The following RNF111 variants were observed in gnomAD, a reference collection of about 807,000 sequenced individuals.
RNF111 encodes ring finger protein 111, also known as E3 ubiquitin-protein ligase Arkadia.
A neutral mutation model predicts 95.1 loss-of-function variants in RNF111; 17 were observed. The observed-to-expected ratio is 0.18, with a 90% CI of 0.12 to 0.27. RNF111 has a LOEUF of 0.27. RNF111 is among the 10% of genes least tolerant of loss of function. The pLI is 1.00. For missense variants in RNF111, 1,189 were observed against 1,210.4 expected (o/e 0.98, Z 0.26); for synonymous variants, 440 against 414.8 (o/e 1.06, Z -0.74).
chr15:59,089,784 G>A (rs1265853239), intron 11 of RNF111, 25 bp downstream of exon 11: 1 of 1,454,450 alleles, frequency 6.9e-7, no homozygotes, highest in Admixed American at 1.7e-5. Flanking sequence ...AAATGAATAT[G>A]TTTGTCACAG....
At chr15:58,999,781 G>T (rs1322372307) in intron 1 of RNF111, among the ~76,000 whole-genome samples, 3 of 152,148 alleles carry the variant, frequency 2.0e-5, no homozygotes, top group East Asian at 3.8e-4. Context: ...TTGGCTCAAG[G>T]TTCCATAGGT....
chr15:59,093,612 A>G (rs2079118544), intron 13 of RNF111: 1 of 226,900 alleles, frequency 4.4e-6, no homozygotes, highest in South Asian at 4.7e-5. Context: ...TAATATGTTA[A>G]CCCTATATTA....
chr15:59,051,405 C>T (rs1268304520), intron 2 of RNF111, among the ~76,000 whole-genome samples: 2 of 142,362 alleles, frequency 1.4e-5, no homozygotes, highest in African/African-American at 5.3e-5. Context: ...TTGCAGTGAG[C>T]AGAGATGGCG....
Position 59,081,011 on chromosome 15 carries a change from C to G in RNF111, c.2024C>G (p.Thr675Ser), listed in dbSNP as rs775914102. ...TCTCATGGAAACCCCCCTCCTCAGACTCAGCCTCCGCCTCAAGTGGATTAT... is the reference window on the plus strand; with the variant it reads ...TCTCATGGAAACCCCCCTCCTCAGAGTCAGCCTCCGCCTCAAGTGGATTAT... ...PHSHGNPPPQ[T>S]QPPPQVDYVI... Residue 675 changes from threonine to serine, a missense_variant, in exon 8 of 14, where the codon ACT becomes AGT. Around this residue, in one of 2 missense-constraint regions of RNF111, gnomAD observed 1,024 missense variants for 925.9 expected, o/e 1.11. Coordinates refer to ENST00000348370, the MANE Select transcript of RNF111 (RefSeq NM_017610.8). 6 of 1,614,024 alleles carry G rather than the reference C, an allele frequency of 3.7e-6. No individual in the cohort carries two copies. The highest frequency in any genetic ancestry group is 1.3e-5 in the African/African-American group (1 of 74,894).
intron 13 of RNF111, chr15:59,093,634 T>C (rs1325576410): frequency 4.6e-6 from 1 of 216,924 alleles, no homozygotes; most frequent in Non-Finnish European, 9.6e-6. Context: ...TTTTAGGCAT[T>C]TTCTTTGTAT....
At chr15:59,085,422 G>A (rs138698339) in intron 9 of RNF111, 11 of 250,778 alleles carry the variant, frequency 4.4e-5, no homozygotes, top group African/African-American at 1.3e-4. Flanking sequence ...TTTGTAAGAT[G>A]TGAAACCAAG....
At chr15:59,032,170 C>G (rs963306862) in intron 2 of RNF111, among the ~76,000 whole-genome samples, 5 of 152,150 alleles carry the variant, frequency 3.3e-5, no homozygotes, top group Admixed American at 2.6e-4. Context: ...AGCTCCTGAT[C>G]TCAAATTATC....
At chr15:59,039,917 G>A (rs1468942857) in intron 2 of RNF111, among the ~76,000 whole-genome samples, 4 of 151,790 alleles carry the variant, frequency 2.6e-5, no homozygotes, top group East Asian at 1.9e-4. Flanking sequence ...GGGTTTCACC[G>A]TGTTGGCCAG....
chr15:59,006,949 C>T (rs749160152), intron 1 of RNF111, among the ~76,000 whole-genome samples: 7 of 152,078 alleles, frequency 4.6e-5, no homozygotes, highest in Non-Finnish European at 8.8e-5. Flanking sequence ...CCACGCCCAG[C>T]TAATTTTTTT....
At chr15:59,005,939 G>C (rs2039520754) in intron 1 of RNF111, among the ~76,000 whole-genome samples, 2 of 152,244 alleles carry the variant, frequency 1.3e-5, no homozygotes, top group Non-Finnish European at 2.9e-5. Flanking sequence ...TCACAGCAGT[G>C]ATGGGGATGT....
intron 5 of RNF111, among the ~76,000 whole-genome samples, chr15:59,063,989 G>C (rs2042547894): frequency 6.6e-6 from 1 of 152,042 alleles, no homozygotes; most frequent in Admixed American, 6.5e-5. Context: ...TAGAGACTAA[G>C]ATAAAACCCT....
At chr15:59,069,459 C>T (rs760089611) in intron 6 of RNF111, among the ~76,000 whole-genome samples, 1 of 152,192 alleles carries the variant, frequency 6.6e-6, no homozygotes, top group African/African-American at 2.4e-5. Flanking sequence ...TAAAATAATA[C>T]AGCTAGTTTG....
At position 59,003,344 on chromosome 15, in the gene RNF111, A is replaced by G. The variant is rs184471883; in HGVS notation, c.-20+15276A>G. ...GGTCTGGAACTCCTGAGCTCAAGCCATCTGCCCACCTTGACCTCCCAAAGT... is the reference window on the plus strand; with the variant it reads ...GGTCTGGAACTCCTGAGCTCAAGCCGTCTGCCCACCTTGACCTCCCAAAGT... On this transcript the variant is annotated intron_variant, in intron 1 of 13. Coordinates refer to ENST00000348370, the MANE Select transcript of RNF111 (RefSeq NM_017610.8). Among the ~76,000 whole-genome samples, 89 of 152,150 alleles carry G rather than the reference A, an allele frequency of 5.8e-4. No individual in the cohort carries two copies. In the Middle Eastern group the frequency reaches 0.01, roughly 18 times the overall value.
rs2078727306 is a variant in RNF111, at chr15:59,081,075, A to G, written c.2088A>G (p.Ile696Met). The G allele has an allele frequency of 5.6e-6, 9 of 1,613,958 alleles. No homozygotes were observed. The East Asian group carries it at 1.6e-4, about 28-fold the overall frequency. The change falls in exon 8 of 14, where the codon ATA (isoleucine) becomes ATG (methionine). Residue 696 changes from isoleucine to methionine, a missense_variant. Ile to Met is a conservative substitution (Grantham distance 10). Transcript: ENST00000348370. ...PHPVHAFHSQ[I>M]SSHATSHPVA... ...CTGTACATGCTTTCCATTCTCAAATATCTTCTCATGCAACATCTCATCCTG... is the reference window on the plus strand; with the variant it reads ...CTGTACATGCTTTCCATTCTCAAATGTCTTCTCATGCAACATCTCATCCTG...
chr15:59,070,820 G>T (rs1215195104), intron 6 of RNF111, among the ~76,000 whole-genome samples: 1 of 152,112 alleles, frequency 6.6e-6, no homozygotes, highest in African/African-American at 2.4e-5. Flanking sequence ...TCTCGGGACT[G>T]TTGGGTGACT....
intron 1 of RNF111, among the ~76,000 whole-genome samples, chr15:59,030,487 A>G (rs1439379689): frequency 6.6e-6 from 1 of 152,178 alleles, no homozygotes; most frequent in Non-Finnish European, 1.5e-5. Context: ...TAATTGTTTG[A>G]TTTGACCAAA....
At chr15:59,086,194 A>G (rs979011073) in intron 10 of RNF111, among the ~76,000 whole-genome samples, 5 of 151,818 alleles carry the variant, frequency 3.3e-5, no homozygotes, top group African/African-American at 1.2e-4. Flanking sequence ...ATCTCAGCTC[A>G]CTGCAACCTC....
chr15:59,049,088 C>T (rs947291390), intron 2 of RNF111, among the ~76,000 whole-genome samples: 14 of 152,088 alleles, frequency 9.2e-5, no homozygotes, highest in African/African-American at 2.4e-4. Context: ...GTCTCACACA[C>T]ACACAAAAAA....
At chr15:59,029,860 G>C (rs1210389157) in intron 1 of RNF111, among the ~76,000 whole-genome samples, 3 of 152,118 alleles carry the variant, frequency 2.0e-5, no homozygotes, top group Non-Finnish European at 2.9e-5. Context: ...CTTAGAATAT[G>C]TGTGTATGCT....
Sources: gnomAD v4.1 joint callset for allele counts (sites outside exome capture counted in the v4.1 genomes callset) on GRCh38, gnomAD v4.1.1 for gene constraint, gnomAD v4.1.1 regional missense constraint, MANE v1.5 for transcripts, NCBI Gene and HGNC (gene_info 2026-07-23, HGNC 2026-07-21) for gene names.